Variants in CRACR2A observed in about 807,000 individuals in gnomAD.
The protein encoded by CRACR2A is calcium release activated channel regulator 2A.
CRACR2A carries 79 observed loss-of-function variants against 90.5 expected under a neutral mutation model. The ratio of observed to expected loss-of-function variants is 0.87; its 90% CI spans 0.73 to 1.05. The LOEUF is 1.05. Ranked by LOEUF, CRACR2A falls within the 50% of genes least tolerant of loss-of-function variation. The pLI is 0.00. For synonymous variants in CRACR2A, 338 were observed against 356.7 expected, an observed-to-expected ratio of 0.95 and a Z score of 0.59; for missense variants, 823 against 897.2, an observed-to-expected ratio of 0.92 and a Z score of 1.06.
At chr12:3,689,507 T>C (rs889054393) in intron 4 of CRACR2A, among the ~76,000 whole-genome samples, 1 of 152,230 alleles carries the variant, frequency 6.6e-6, no homozygotes, top group African/African-American at 2.4e-5. Context: ...TTGATTTGTG[T>C]ATGTTGAACC....
At chr12:3,624,934 G>A (rs1042552035) in intron 17 of CRACR2A, among the ~76,000 whole-genome samples, 2 of 152,174 alleles carry the variant, frequency 1.3e-5, no homozygotes, top group Non-Finnish European at 2.9e-5. Context: ...GGAGCTGTTC[G>A]TTTTATTTTT....
intron 17 of CRACR2A, among the ~76,000 whole-genome samples, chr12:3,621,666 A>AAAACAAAAAAAAAAAAAC (rs1944140003): frequency 6.9e-6 from 1 of 144,684 alleles, no homozygotes; most frequent in African/African-American, 2.5e-5. Context: ...AAAAAAAAAA[A>AAAACAAAAAAAAAAAAAC]AAAAAAAAAA....
chr12:3,733,973 A>ATTTTTTTTTTTTT (rs1166347439), intron 1 of CRACR2A, among the ~76,000 whole-genome samples: 2 of 99,796 alleles, frequency 2.0e-5, no homozygotes, highest in Non-Finnish European at 3.9e-5. Flanking sequence ...ATTTTGCCTT[A>ATTTTTTTTTTTTT]TTTTTTTTTT....
At chr12:3,642,403 T>C (rs1944590362) in intron 12 of CRACR2A, among the ~76,000 whole-genome samples, 1 of 152,060 alleles carries the variant, frequency 6.6e-6, no homozygotes, top group Admixed American at 6.5e-5. Flanking sequence ...TTTGTGGAGA[T>C]GGACTCTTGC....
At chr12:3,642,478 G>A (rs1944592359) in intron 12 of CRACR2A, among the ~76,000 whole-genome samples, 1 of 152,168 alleles carries the variant, frequency 6.6e-6, no homozygotes, top group South Asian at 2.1e-4. Context: ...CTCTCCCAAA[G>A]TATTGGGATT....
chr12:3,720,435 GAA>G (rs756698793), intron 2 of CRACR2A, among the ~76,000 whole-genome samples: 1 of 83,394 alleles, frequency 1.2e-5, no homozygotes, highest in South Asian at 4.2e-4. Flanking sequence ...AAGAAAGAAA[GAA>G]AGAAAGAAAG....
At chr12:3,740,094 T>C (rs1946502954) in intron 1 of CRACR2A, among the ~76,000 whole-genome samples, 1 of 152,098 alleles carries the variant, frequency 6.6e-6, no homozygotes, top group Non-Finnish European at 1.5e-5. Context: ...CTGCTCATCC[T>C]CTTTCCTCAC....
intron 3 of CRACR2A, among the ~76,000 whole-genome samples, chr12:3,703,104 T>C (rs1945858776): frequency 6.6e-6 from 1 of 152,192 alleles, no homozygotes; most frequent in Admixed American, 6.5e-5. Context: ...AGCTTTTTTG[T>C]TTTTTGTTTT....
At chr12:3,733,275 A>T (rs1359792339) in intron 1 of CRACR2A, 65 bp from the exon 2 acceptor site, 1 of 152,356 alleles carries the variant, frequency 6.6e-6, no homozygotes. Flanking sequence ...ATTTTAGATT[A>T]TCTGGGTTGG....
intron 15 of CRACR2A, among the ~76,000 whole-genome samples, chr12:3,629,595 G>A (rs55883539): frequency 0.061 from 9,312 of 152,328 alleles, 325 homozygotes; most frequent in Middle Eastern, 0.11. Flanking sequence ...GACGGGCAGG[G>A]AGTTTGCTGG....
In CRACR2A at chr12:3,722,591, G is replaced by A. The variant is rs1052202000; in HGVS notation, c.-117-9274C>T. On this transcript the variant is annotated intron_variant, in intron 2 of 19. Transcript: ENST00000440314. ...TTACAGCTGAGGGGTGATGAACTCC[G>A]TGGCTCCTGCATCAGGCACATTTAT... 2.6e-5 allele frequency among the ~76,000 whole-genome samples: 4 copies of A among 152,280 alleles called. No homozygotes were observed. The East Asian group carries it at 7.7e-4, about 29-fold the overall frequency.
At chr12:3,655,643 TAGTC>T (rs1158713107) in intron 9 of CRACR2A, among the ~76,000 whole-genome samples, 1 of 152,278 alleles carries the variant, frequency 6.6e-6, no homozygotes, top group South Asian at 2.1e-4. Flanking sequence ...CTTGCCTAGG[TAGTC>T]AGTCTTTCTG....
At chr12:3,694,088 C>T (rs1409149351) in intron 4 of CRACR2A, among the ~76,000 whole-genome samples, 1 of 152,132 alleles carries the variant, frequency 6.6e-6, no homozygotes, top group Non-Finnish European at 1.5e-5. Flanking sequence ...TGCAGGATTC[C>T]CAGCTTCCTC....
intron 3 of CRACR2A, among the ~76,000 whole-genome samples, chr12:3,710,365 A>G (rs1017294691): frequency 6.6e-6 from 1 of 152,156 alleles, no homozygotes; most frequent in Non-Finnish European, 1.5e-5. Context: ...GATGGCCTAT[A>G]AACAATAGAC....
Position 3,616,974 on chromosome 12 carries a change from C to T in CRACR2A, c.2091G>A (p.Glu697=), listed in dbSNP as rs1365373823. Reference sequence around the variant, plus strand: ...TTTACCTGGCCAGATGGAGCAGGGACTCTTTGGTGTTGTGACCAGAGTAGG... The same window carrying T: ...TTTACCTGGCCAGATGGAGCAGGGATTCTTTGGTGTTGTGACCAGAGTAGG... ...CSAYSGHNTK[E]SLLHLARFLK... Residue 697 remains glutamate (E), a synonymous_variant, in exon 19 of 20, where the codon GAG becomes GAA. Coordinates refer to ENST00000440314, the MANE Select transcript of CRACR2A (RefSeq NM_001144958.2). 3 of 1,551,448 alleles carry T rather than the reference C, an allele frequency of 1.9e-6. No homozygotes were observed. Among genetic ancestry groups the T allele is most frequent in the Middle Eastern group, 1.7e-4 (1 of 6,014 alleles).
At chr12:3,657,580 C>A (rs1944938410) in intron 8 of CRACR2A, among the ~76,000 whole-genome samples, 1 of 152,200 alleles carries the variant, frequency 6.6e-6, no homozygotes, top group South Asian at 2.1e-4. Context: ...AGAAGAACCA[C>A]TGGGACAGCC....
At chr12:3,703,246 G>A (rs191791986) in intron 3 of CRACR2A, among the ~76,000 whole-genome samples, 13 of 152,086 alleles carry the variant, frequency 8.5e-5, no homozygotes, top group African/African-American at 1.2e-4. Context: ...CCGCCACCAC[G>A]CCCAGCTAAT....
At position 3,686,121 on chromosome 12, in the gene CRACR2A, T is replaced by G. The variant is rs1031818497; in HGVS notation, c.229-5772A>C. 5.9e-5 allele frequency among the ~76,000 whole-genome samples: 9 copies of G among 152,210 alleles called. No homozygotes were observed. In the East Asian group the frequency reaches 1.5e-3, roughly 26 times the overall value. On this transcript the variant is annotated intron_variant, in intron 4 of 19. Transcript: ENST00000440314. Reference sequence around the variant, plus strand: ...AGAGGGGTTAAGAGACACAAATTCGTATTACTAGCAAGTTGCAGATTGAGG... The same window carrying G: ...AGAGGGGTTAAGAGACACAAATTCGGATTACTAGCAAGTTGCAGATTGAGG...
chr12:3,635,474 C>A (rs188425347), intron 14 of CRACR2A, among the ~76,000 whole-genome samples: 1 of 151,386 alleles, frequency 6.6e-6, no homozygotes, highest in Admixed American at 6.6e-5. Context: ...ATAGTCTACC[C>A]TACCATCCTG....
Sources: gnomAD v4.1 joint callset for allele counts (sites outside exome capture counted in the v4.1 genomes callset) on GRCh38, gnomAD v4.1.1 for gene constraint, MANE v1.5 for transcripts, NCBI Gene and HGNC (gene_info 2026-07-23, HGNC 2026-07-21) for gene names.